SPEN: variants seen among roughly 807,000 people sequenced by gnomAD.
SPEN encodes the protein spen family transcriptional repressor.
Under a neutral mutation model 269.9 loss-of-function variants are expected in SPEN, and 18 were observed. The ratio of observed to expected loss-of-function variants is 0.07; its 90% CI spans 0.05 to 0.10. The LOEUF is 0.10. SPEN is among the 10% of genes least tolerant of loss of function. SPEN has a pLI of 1.00. For synonymous variants in SPEN, 1,726 were observed against 1,765.7 expected (o/e 0.98, Z 0.56); for missense variants, 3,822 against 4,631.2 (o/e 0.83, Z 5.07).
intron 5 of SPEN, among the ~76,000 whole-genome samples, chr1:15,912,550 A>T (rs1204192912): frequency 6.6e-6 from 1 of 152,314 alleles, no homozygotes; most frequent in African/African-American, 2.4e-5. Context: ...ATGCACAAAT[A>T]TGTTATTTGT....
intron 4 of SPEN, among the ~76,000 whole-genome samples, chr1:15,909,707 G>C (rs1357195218): frequency 6.6e-6 from 1 of 152,108 alleles, no homozygotes; most frequent in Non-Finnish European, 1.5e-5. Flanking sequence ...GTAATATACT[G>C]TTACTCCTAC....
intron 3 of SPEN, among the ~76,000 whole-genome samples, chr1:15,899,761 A>G (rs888414360): frequency 1.3e-5 from 2 of 151,766 alleles, no homozygotes; most frequent in Admixed American, 1.3e-4. Context: ...AATGTCTTTG[A>G]AGTCTTTGAC....
At chr1:15,902,776 T>C (rs2070916098) in intron 3 of SPEN, among the ~76,000 whole-genome samples, 1 of 152,246 alleles carries the variant, frequency 6.6e-6, no homozygotes, top group Non-Finnish European at 1.5e-5. Flanking sequence ...ATTGATTATA[T>C]GGAGAGAAAA....
chr1:15,936,395 CTG>C (rs2071275548), intron 11 of SPEN, 129 bp downstream of exon 11: 1 of 1,327,842 alleles, frequency 7.5e-7, no homozygotes, highest in Non-Finnish European at 9.7e-7. Context: ...AATCCCAGCA[CTG>C]TGGGAGGCCC....
intron 3 of SPEN, among the ~76,000 whole-genome samples, chr1:15,881,906 G>A (rs752005215): frequency 3.3e-5 from 5 of 152,180 alleles, no homozygotes; most frequent in Non-Finnish European, 5.9e-5. Flanking sequence ...GTTAGCACTC[G>A]TATAGTGGAC....
chr1:15,900,095 C>T (rs927342517), intron 3 of SPEN, among the ~76,000 whole-genome samples: 1 of 152,162 alleles, frequency 6.6e-6, no homozygotes, highest in African/African-American at 2.4e-5. Flanking sequence ...GTCCACCGTC[C>T]TCGGCCTACC....
intron 2 of SPEN, chr1:15,874,260 A>G: frequency 7.3e-7 from 1 of 1,366,452 alleles, no homozygotes; most frequent in Non-Finnish European, 9.8e-7. Flanking sequence ...GGTTCATCTA[A>G]ATATCATTTG....
chr1:15,919,437 G>A lies in SPEN; in HGVS notation c.1555G>A (p.Val519Met), dbSNP rs760738868. The A allele has an allele frequency of 3.7e-6, 6 of 1,607,032 alleles. No individual in the cohort carries two copies. Among genetic ancestry groups the A allele is most frequent in the East Asian group, 2.2e-5 (1 of 44,464 alleles). Residue 519 changes from valine to methionine, a missense_variant, in exon 8 of 15, where the codon GTG becomes ATG. Coordinates refer to ENST00000375759, the MANE Select transcript of SPEN (RefSeq NM_015001.3). ...GFGKSMPTNC[V>M]WLDGLSSNVS... ...TGGAAAGAGCATGCCTACAAACTGCGTGTGGCTAGATGGGCTTTCTTCGAA... is the reference window on the plus strand; with the variant it reads ...TGGAAAGAGCATGCCTACAAACTGCATGTGGCTAGATGGGCTTTCTTCGAA...
In SPEN at chr1:15,932,750, G is replaced by A; in HGVS notation, c.6510G>A (p.Glu2170=). 6.2e-6 allele frequency: 10 copies of A among 1,614,220 alleles called. No individual in the cohort carries two copies. Among genetic ancestry groups the A allele is most frequent in the Non-Finnish European group, 8.5e-6 (10 of 1,180,034 alleles). ...CCACCCAGTTAGCCAAGCAGATGGA[G>A]CTGGAGCAGGCCGTGGAACACATCG... ...PEATQLAKQM[E]LEQAVEHIAK... The change falls in exon 11 of 15, where the codon GAG becomes GAA. Residue 2170 remains glutamate, a synonymous_variant. Coordinates refer to ENST00000375759, the MANE Select transcript of SPEN (RefSeq NM_015001.3). This position sits in a 1 kb window ranked among gnomAD's most constrained non-coding sequence, Gnocchi z 4.2.
chr1:15,853,308 T>G (rs2070354495), intron 1 of SPEN, among the ~76,000 whole-genome samples: 2 of 151,764 alleles, frequency 1.3e-5, no homozygotes, highest in South Asian at 4.2e-4. Flanking sequence ...TGCCATAGCC[T>G]CCTGAGTAGC....
At position 15,872,907 on chromosome 1, in the gene SPEN, G is replaced by A; in HGVS notation, c.175G>A (p.Ala59Thr). Residue 59 changes from alanine (A) to threonine (T), a missense_variant, in exon 2 of 15, where the codon GCA becomes ACA. Ala to Thr is a moderately conservative substitution (Grantham distance 58, BLOSUM62 0). Coordinates refer to ENST00000375759, the MANE Select transcript of SPEN (RefSeq NM_015001.3). ...AFVDFVDIKS[A>T]QKAHNSVNKM... is the part of the protein sequence containing the mutation. The stretch of plus-strand genomic sequence containing the variant: ...TGTGGATTTTGTGGACATCAAAAGT[G>A]CACAGAAAGCTCACAACTCGGTCAA... 6.3e-7 allele frequency: 1 copy of A among 1,594,440 alleles called. No individual in the cohort carries two copies. Among genetic ancestry groups the A allele is most frequent in the Non-Finnish European group, 8.6e-7 (1 of 1,164,398 alleles).
At chr1:15,862,549 A>G (rs1007440735) in intron 1 of SPEN, among the ~76,000 whole-genome samples, 1 of 152,180 alleles carries the variant, frequency 6.6e-6, no homozygotes, top group African/African-American at 2.4e-5. Flanking sequence ...AGTAGAATCT[A>G]AAGATTACAG....
At chr1:15,923,193 G>A (rs1053076800) in intron 10 of SPEN, among the ~76,000 whole-genome samples, 3 of 152,148 alleles carry the variant, frequency 2.0e-5, no homozygotes, top group Non-Finnish European at 2.9e-5. Flanking sequence ...TGGCAACTTT[G>A]GCAATGTGCA....
At chr1:15,850,706 G>C (rs747386902) in intron 1 of SPEN, among the ~76,000 whole-genome samples, 4 of 152,176 alleles carry the variant, frequency 2.6e-5, no homozygotes, top group Non-Finnish European at 4.4e-5. Context: ...TAAAATGTGT[G>C]ATTGCTACTA....
At position 15,932,851 on chromosome 1, in the gene SPEN, A is replaced by T. The variant is rs1239640668; in HGVS notation, c.6611A>T (p.Asp2204Val). 1 of 1,614,130 alleles carries T rather than the reference A, an allele frequency of 6.2e-7. No individual in the cohort carries two copies. Among genetic ancestry groups the T allele is most frequent in the Non-Finnish European group, 8.5e-7 (1 of 1,180,054 alleles). ...APEGLAPEDR[D>V]KPAHQASETE... ...GAGGGCCTTGCCCCAGAGGACAGGG[A>T]CAAGCCTGCACACCAAGCAAGTGAA... Residue 2204 changes from aspartate (D) to valine (V), a missense_variant, in exon 11 of 15, where the codon GAC becomes GTC. This residue lies in a region of SPEN where 727 missense variants were observed against 737.9 expected (regional missense o/e 0.99). Coordinates refer to ENST00000375759, the MANE Select transcript of SPEN (RefSeq NM_015001.3). This position sits in a 1 kb window ranked among gnomAD's most constrained non-coding sequence, Gnocchi z 4.2.
chr1:15,933,765 C>T lies in SPEN; in HGVS notation c.7525C>T (p.Arg2509Trp), dbSNP rs761667751. The T allele has an allele frequency of 7.4e-6, 12 of 1,613,870 alleles. No homozygotes were observed. The highest frequency in any genetic ancestry group is 2.2e-5 in the East Asian group (1 of 44,902). The change falls in exon 11 of 15, where the codon CGG becomes TGG. Residue 2509 changes from arginine (R) to tryptophan (W), a missense_variant. Physicochemically the swap from Arg to Trp is moderately radical, Grantham distance 101. Transcript: ENST00000375759. The surrounding 1 kb of genome is among the most constrained non-coding windows in gnomAD (Gnocchi z 5.7). ...TEWITRQEEPRAQSTPSPALP... is the reference protein window; with the variant it reads ...TEWITRQEEPWAQSTPSPALP... ...GTGGATCACAAGGCAGGAGGAGCCA[C>T]GGGCTCAGTCTACTCCATCTCCAGC...
rs140085356 is a variant in SPEN at position 15,915,013 on chromosome 1, T to A, written c.1244-1115T>A. Among the ~76,000 whole-genome samples the A allele has an allele frequency of 6.4e-3, 981 of 152,318 alleles. 8 individuals are homozygous for A. Among genetic ancestry groups the A allele is most frequent in the Middle Eastern group, 0.02 (6 of 294 alleles). On this transcript the variant is annotated intron_variant, in intron 5 of 14. Transcript: ENST00000375759. ...TATGAGAGGGGCGAAATGCTAAATA[T>A]CTTATAAAATGTTGAAAAGTAAATG...
intron 3 of SPEN, among the ~76,000 whole-genome samples, chr1:15,889,087 G>A (rs978967827): frequency 4.6e-5 from 7 of 151,542 alleles, no homozygotes; most frequent in Non-Finnish European, 8.8e-5. Flanking sequence ...GGAATCATGC[G>A]TGTCCAGAAA....
In SPEN at chr1:15,938,973, CCA is replaced by C. The variant is rs1433678009; in HGVS notation, c.10863+98_10863+99del. 66 of 1,469,872 alleles carry C rather than the reference CCA, an allele frequency of 4.5e-5. No individual in the cohort carries two copies. The South Asian group carries it at 7.1e-4, about 16-fold the overall frequency. The allele number at this position is 1,469,872 out of a possible 1,614,324, so 91.1% of individuals were successfully genotyped here. On this transcript the variant is annotated intron_variant, in intron 14 of 14. Coordinates refer to ENST00000375759, the MANE Select transcript of SPEN (RefSeq NM_015001.3). ...CATCTGGTGCCCACTAGATCTGGCCCCAGAGGTGGGCAAAGGGGCATTTTGGA... is the reference window on the plus strand; with the variant it reads ...CATCTGGTGCCCACTAGATCTGGCCCGAGGTGGGCAAAGGGGCATTTTGGA...
Sources: gnomAD v4.1 joint callset for allele counts (sites outside exome capture counted in the v4.1 genomes callset) on GRCh38, gnomAD v4.1.1 for gene constraint, gnomAD v4.1.1 regional missense constraint, Gnocchi (gnomAD v3.1) non-coding constraint, MANE v1.5 for transcripts, NCBI Gene and HGNC (gene_info 2026-07-23, HGNC 2026-07-21) for gene names.